Variants in RBM6 observed in about 807,000 individuals in gnomAD.
RBM6 encodes the protein RNA binding motif protein 6.
Under a neutral mutation model 140.4 loss-of-function variants are expected in RBM6, and 23 were observed. The ratio of observed to expected loss-of-function variants is 0.16; its 90% CI spans 0.12 to 0.23. The LOEUF (loss-of-function observed/expected upper bound fraction) is 0.23. Ranked by LOEUF, RBM6 falls within the 10% of genes least tolerant of loss-of-function variation. The pLI is 1.00. For synonymous variants in RBM6, 439 were observed against 475.6 expected (o/e 0.92, Z 1.00); for missense variants, 1,139 against 1,386.7 (o/e 0.82, Z 2.84).
chr3:49,977,856 C>A (rs1238846179), intron 5 of RBM6, among the ~76,000 whole-genome samples: 2 of 152,118 alleles, frequency 1.3e-5, no homozygotes, highest in East Asian at 3.8e-4. Flanking sequence ...GTGTTGCACA[C>A]CTGTAGTCCT....
intron 3 of RBM6, among the ~76,000 whole-genome samples, chr3:49,970,074 G>C (rs2084719770): frequency 6.6e-6 from 1 of 152,040 alleles, no homozygotes; most frequent in African/African-American, 2.4e-5. Context: ...CTGAGTAGTT[G>C]GGACTGTAGT....
intron 8 of RBM6, among the ~76,000 whole-genome samples, chr3:50,056,340 G>A (rs1393722986): frequency 6.6e-6 from 1 of 151,642 alleles, no homozygotes; most frequent in Non-Finnish European, 1.5e-5. Flanking sequence ...TGTCACCCAG[G>A]CTGAAGTGCA....
At chr3:49,987,202 A>G (rs2085604404) in intron 5 of RBM6, among the ~76,000 whole-genome samples, 1 of 151,986 alleles carries the variant, frequency 6.6e-6, no homozygotes, top group South Asian at 2.1e-4. Context: ...CCTCCCAAGT[A>G]GCCTCCCAAA....
At chr3:49,946,197 A>G (rs998280215) in intron 1 of RBM6, among the ~76,000 whole-genome samples, 9 of 151,044 alleles carry the variant, frequency 6.0e-5, no homozygotes, top group Admixed American at 6.0e-4. Context: ...GTTTCAATTC[A>G]GTTTCTCTGC....
intron 1 of RBM6, among the ~76,000 whole-genome samples, chr3:49,941,381 G>A (rs2083273866): frequency 6.6e-6 from 1 of 151,962 alleles, no homozygotes; most frequent in South Asian, 2.1e-4. Flanking sequence ...TTACCAGGCC[G>A]AGCCTGGTGG....
In RBM6 at chr3:50,026,378, C is replaced by T. The variant is rs1358147450; in HGVS notation, c.1558-21867C>T. ...GATTATAGGCGTGAGCCACTGTGCC[C>T]GGCCCTTTTTTTTTTTTTTGGAGAC... On this transcript the variant is annotated intron_variant, in intron 6 of 20. Transcript: ENST00000266022. Among the ~76,000 whole-genome samples, 5 of 148,798 alleles carry T rather than the reference C, an allele frequency of 3.4e-5. No homozygotes were observed. The East Asian group carries it at 8.0e-4, about 24-fold the overall frequency.
intron 5 of RBM6, among the ~76,000 whole-genome samples, chr3:49,976,681 G>A (rs2624821): frequency 0.14 from 20,582 of 152,156 alleles, 1,753 homozygotes; most frequent in Non-Finnish European, 0.19. Context: ...TAGGAAAGGA[G>A]ATGTCTTAAT....
At chr3:50,025,095 C>G (rs2087726828) in intron 6 of RBM6, among the ~76,000 whole-genome samples, 1 of 150,528 alleles carries the variant, frequency 6.6e-6, no homozygotes, top group Non-Finnish European at 1.5e-5. Flanking sequence ...TTTTTTTCCC[C>G]CATTTGGAGC....
At chr3:50,058,703 A>G in intron 10 of RBM6, 141 bp downstream of exon 10, 2 of 775,644 alleles carry the variant, frequency 2.6e-6, no homozygotes, top group Non-Finnish European at 4.1e-6. Context: ...TCACGAGGTC[A>G]GGAAATCAAG....
At chr3:50,016,542 A>G (rs1381634827) in intron 6 of RBM6, among the ~76,000 whole-genome samples, 1 of 151,946 alleles carries the variant, frequency 6.6e-6, no homozygotes, top group Non-Finnish European at 1.5e-5. Flanking sequence ...AGTTTCCAAA[A>G]TATCTGTACT....
intron 5 of RBM6, among the ~76,000 whole-genome samples, chr3:49,997,924 G>A (rs1316412667): frequency 1.3e-5 from 2 of 152,198 alleles, no homozygotes; most frequent in Non-Finnish European, 2.9e-5. Flanking sequence ...AAGCAGAGGA[G>A]ACTGATTTTG....
At chr3:50,034,714 T>TTG (rs2088406917) in intron 6 of RBM6, among the ~76,000 whole-genome samples, 1 of 151,702 alleles carries the variant, frequency 6.6e-6, no homozygotes, top group African/African-American at 2.4e-5. Flanking sequence ...TGAGCCGAGA[T>TTG]CACAACACTG....
intron 6 of RBM6, among the ~76,000 whole-genome samples, chr3:50,022,322 GTTT>G (rs1327031876): frequency 4.6e-5 from 7 of 150,930 alleles, no homozygotes; most frequent in Non-Finnish European, 1.0e-4. Context: ...TAATGATTTA[GTTT>G]TTCTTCTTTC....
At chr3:50,073,858 T>C (rs2090380453) in intron 19 of RBM6, among the ~76,000 whole-genome samples, 1 of 151,170 alleles carries the variant, frequency 6.6e-6, no homozygotes, top group African/African-American at 2.4e-5. Context: ...TTTTTTTTTT[T>C]CCTTTTGTTT....
intron 6 of RBM6, among the ~76,000 whole-genome samples, chr3:50,040,493 TACAC>T (rs1553661202): frequency 1.3e-4 from 11 of 85,880 alleles, no homozygotes; most frequent in Non-Finnish European, 1.9e-4. Flanking sequence ...TATATATATA[TACAC>T]ACACACACAC....
intron 6 of RBM6, among the ~76,000 whole-genome samples, chr3:50,039,640 A>G (rs2088764056): frequency 6.6e-6 from 1 of 152,240 alleles, no homozygotes; most frequent in Non-Finnish European, 1.5e-5. Context: ...CAAAATTATA[A>G]CAAGCTGAAA....
At chr3:50,024,077 C>A (rs554250499) in intron 6 of RBM6, among the ~76,000 whole-genome samples, 12 of 152,186 alleles carry the variant, frequency 7.9e-5, no homozygotes, top group Non-Finnish European at 1.6e-4. Flanking sequence ...ACATTATCCA[C>A]AGATTCAAAA....
intron 5 of RBM6, among the ~76,000 whole-genome samples, chr3:49,985,731 C>T (rs1453370304): frequency 1.3e-5 from 2 of 151,768 alleles, no homozygotes; most frequent in Non-Finnish European, 2.9e-5. Flanking sequence ...CTCAGCCTCC[C>T]GAGTAGCTGG....
At chr3:49,958,453 G>A (rs544122983) in intron 1 of RBM6, among the ~76,000 whole-genome samples, 2 of 152,246 alleles carry the variant, frequency 1.3e-5, no homozygotes, top group South Asian at 4.1e-4. Flanking sequence ...GTGGGCACCT[G>A]TAGTCCCAGC....
Sources: gnomAD v4.1 joint callset for allele counts (sites outside exome capture counted in the v4.1 genomes callset) on GRCh38, gnomAD v4.1.1 for gene constraint, MANE v1.5 for transcripts, NCBI Gene and HGNC (gene_info 2026-07-23, HGNC 2026-07-21) for gene names.